TRPM1: variants seen among roughly 807,000 people sequenced by gnomAD.
The protein encoded by TRPM1 is TRPM1-203 APA Isoform, Intron 10.
A neutral mutation model predicts 149.4 loss-of-function variants in TRPM1; 113 were observed. The ratio of observed to expected loss-of-function variants is 0.76; its 90% CI spans 0.65 to 0.88. The LOEUF (loss-of-function observed/expected upper bound fraction) is 0.88. Ranked by LOEUF, TRPM1 falls within the 40% of genes least tolerant of loss-of-function variation. TRPM1 has a pLI of 0.00. For synonymous variants in TRPM1, 741 were observed against 759.5 expected, an observed-to-expected ratio of 0.98 and a Z score of 0.40; for missense variants, 1,976 against 2,038.7, an observed-to-expected ratio of 0.97 and a Z score of 0.59.
chr15:31,059,333 A>T (rs951440671), intron 11 of TRPM1, among the ~76,000 whole-genome samples: 14 of 152,242 alleles, frequency 9.2e-5, no homozygotes, highest in African/African-American at 3.4e-4. Context: ...AGACCTAAAC[A>T]CAGAGGCAGT....
upstream of TRPM1, among the ~76,000 whole-genome samples, chr15:31,102,030 A>G (rs1260676365): frequency 6.6e-6 from 1 of 152,210 alleles, no homozygotes; most frequent in Non-Finnish European, 1.5e-5. Context: ...CATAATTGAG[A>G]CAATTGGACA....
At chr15:31,099,103 A>G (rs1035219139) in intron 1 of TRPM1, among the ~76,000 whole-genome samples, 4 of 152,330 alleles carry the variant, frequency 2.6e-5, no homozygotes, top group Admixed American at 2.0e-4. Context: ...GAGGTAACAG[A>G]AAAATCTCTT....
Position 31,036,682 on chromosome 15 carries a change from G to A in TRPM1, c.2572-1008C>T, listed in dbSNP as rs370237981. ...TCGATGGCTTCCTGGCCCCATCTCC[G>A]GCAGCAGCCTCTATGGCTGGGCTCT... On this transcript the variant is annotated intron_variant, in intron 20 of 27. Transcript: ENST00000256552. 1.1e-4 allele frequency among the ~76,000 whole-genome samples: 17 copies of A among 152,336 alleles called. No homozygotes were observed. In the South Asian group the frequency reaches 2.3e-3, roughly 20 times the overall value.
intron 1 of TRPM1, among the ~76,000 whole-genome samples, chr15:31,150,746 C>A (rs1440801961): frequency 6.6e-6 from 1 of 152,046 alleles, no homozygotes; most frequent in Admixed American, 6.6e-5. Flanking sequence ...TGAATACTTT[C>A]GAACAAAAGA....
chr15:31,061,444 T>C lies in TRPM1; in HGVS notation c.1160A>G (p.Lys387Arg). Residue 387 changes from lysine to arginine, a missense_variant and splice_region_variant, in exon 10 of 28, where the codon AAA becomes AGA. Physicochemically the swap from Lys to Arg is conservative, Grantham distance 26. This residue lies in a region of TRPM1 where 1,332 missense variants were observed against 1,347.1 expected (regional missense o/e 0.99). Coordinates refer to ENST00000256552, the MANE Select transcript of TRPM1 (RefSeq NM_001252024.2). ...IEMAILTALL[K>R]GTNVSAPDQL... Reference sequence around the variant, plus strand: ...GTCACCATTTCCTGAGAGCTCACCTTTCAGCAGGGCAGTTAAAATTGCCAT... The same window carrying C: ...GTCACCATTTCCTGAGAGCTCACCTCTCAGCAGGGCAGTTAAAATTGCCAT... 6.2e-7 allele frequency: 1 copy of C among 1,614,058 alleles called. No individual in the cohort carries two copies. Among genetic ancestry groups the C allele is most frequent in the Non-Finnish European group, 8.5e-7 (1 of 1,179,976 alleles).
At chr15:31,042,349 G>T in intron 16 of TRPM1, 106 bp from the exon 17 acceptor site, 19 of 1,144,328 alleles carry the variant, frequency 1.7e-5, no homozygotes, top group Admixed American at 8.5e-5. Flanking sequence ...GTAATAAAGA[G>T]ACTTCTGAAG....
At chr15:31,128,168 T>A (rs2035974882) in intron 1 of TRPM1, among the ~76,000 whole-genome samples, 1 of 152,158 alleles carries the variant, frequency 6.6e-6, no homozygotes, top group Non-Finnish European at 1.5e-5. Flanking sequence ...AGCTCAGGAT[T>A]GGTGACTGTC....
At chr15:31,012,125 T>C (rs2032207213) in intron 27 of TRPM1, among the ~76,000 whole-genome samples, 1 of 152,268 alleles carries the variant, frequency 6.6e-6, no homozygotes, top group African/African-American at 2.4e-5. Context: ...TTGTAAATCA[T>C]GTAGAAAATA....
intron 1 of TRPM1, among the ~76,000 whole-genome samples, chr15:31,126,795 C>A (rs2035957076): frequency 6.6e-6 from 1 of 152,152 alleles, no homozygotes; most frequent in Admixed American, 6.5e-5. Flanking sequence ...GAAACCCCGT[C>A]TCTACTAAAG....
intron 11 of TRPM1, among the ~76,000 whole-genome samples, chr15:31,059,569 C>T (rs1230185418): frequency 6.6e-6 from 1 of 152,062 alleles, no homozygotes; most frequent in African/African-American, 2.4e-5. Flanking sequence ...CCATGCCTGG[C>T]TAATTTTTTT....
At chr15:31,029,573 G>A (rs572266668) in intron 23 of TRPM1, among the ~76,000 whole-genome samples, 182 bp from the exon 24 acceptor site, 1 of 152,176 alleles carries the variant, frequency 6.6e-6, no homozygotes, top group Non-Finnish European at 1.5e-5. Flanking sequence ...TAGAAACAGT[G>A]ATCTGTTTAG....
intron 27 of TRPM1, among the ~76,000 whole-genome samples, chr15:31,011,724 G>T (rs1595975791): frequency 6.6e-6 from 1 of 151,264 alleles, no homozygotes; most frequent in East Asian, 1.9e-4. Context: ...AAGAGCAGTG[G>T]CAAGATCTCA....
At chr15:31,129,321 C>T in intron 1 of TRPM1, among the ~76,000 whole-genome samples, 1 of 152,220 alleles carries the variant, frequency 6.6e-6, no homozygotes, top group South Asian at 2.1e-4. Flanking sequence ...CTGCGCAGAT[C>T]TGTCCAGTAA....
intron 1 of TRPM1, among the ~76,000 whole-genome samples, chr15:31,159,303 G>T (rs960625439): frequency 6.6e-6 from 1 of 152,084 alleles, no homozygotes. Flanking sequence ...CAGTACACTG[G>T]GCACAGGTGA....
At chr15:31,067,802 A>G in intron 5 of TRPM1, 77 bp downstream of exon 5, 2 of 1,408,098 alleles carry the variant, frequency 1.4e-6, no homozygotes, top group South Asian at 2.3e-5. Flanking sequence ...GTCCTTAGTT[A>G]TTAGGAAGCT....
chr15:31,065,646 A>G (rs1380107312), intron 7 of TRPM1, among the ~76,000 whole-genome samples: 1 of 152,206 alleles, frequency 6.6e-6, no homozygotes, highest in Non-Finnish European at 1.5e-5. Context: ...CCACCTGGCC[A>G]TCTTAGTCTA....
intron 1 of TRPM1, among the ~76,000 whole-genome samples, chr15:31,154,575 T>C (rs1299326795): frequency 6.6e-6 from 1 of 152,214 alleles, no homozygotes; most frequent in Non-Finnish European, 1.5e-5. Flanking sequence ...TTATAATTTA[T>C]AGTTTAAACA....
At chr15:31,118,128 G>T (rs1023486932) in intron 1 of TRPM1, among the ~76,000 whole-genome samples, 1 of 152,094 alleles carries the variant, frequency 6.6e-6, no homozygotes, top group Non-Finnish European at 1.5e-5. Context: ...TAGGTGTGGT[G>T]CATGCCTGTA....
chr15:31,040,401 T>C lies in TRPM1; in HGVS notation c.2088-55A>G. 1.4e-6 allele frequency: 2 copies of C among 1,471,056 alleles called. No individual in the cohort carries two copies. The highest frequency in any genetic ancestry group is 2.3e-5 in the South Asian group (2 of 87,858). 91.1% of individuals were successfully genotyped at this position (1,471,056 alleles called of 1,614,324 possible). ...AGCCACAGTGGCCGCAAGCTGTTTCTTAGACAGGCATATCCACCAAGGACT... is the reference window on the plus strand; with the variant it reads ...AGCCACAGTGGCCGCAAGCTGTTTCCTAGACAGGCATATCCACCAAGGACT... On this transcript the variant is annotated intron_variant, in intron 17 of 27. Coordinates refer to ENST00000256552, the MANE Select transcript of TRPM1 (RefSeq NM_001252024.2). The surrounding 1 kb of genome is among the most constrained non-coding windows in gnomAD (Gnocchi z 4.2).
Sources: allele counts gnomAD v4.1 joint callset (sites outside exome capture counted in the v4.1 genomes callset), GRCh38; gene constraint gnomAD v4.1.1; regional missense constraint gnomAD v4.1.1; non-coding constraint Gnocchi (gnomAD v3.1); transcripts MANE v1.5; gene names NCBI Gene and HGNC (gene_info 2026-07-23, HGNC 2026-07-21).